COL4A4: variants seen among roughly 807,000 people sequenced by gnomAD.
COL4A4 encodes collagen alpha-4(IV) chain.
A neutral mutation model predicts 192.9 loss-of-function variants in COL4A4; 105 were observed. The ratio of observed to expected loss-of-function variants is 0.54; its 90% CI spans 0.46 to 0.64. The LOEUF (loss-of-function observed/expected upper bound fraction) is 0.64. COL4A4 is among the 30% of genes least tolerant of loss of function. The pLI is 0.00. For synonymous variants in COL4A4, 762 were observed against 769.9 expected, an observed-to-expected ratio of 0.99 and a Z score of 0.17; for missense variants, 1,967 against 2,169.3, an observed-to-expected ratio of 0.91 and a Z score of 1.85.
intron 22 of COL4A4, among the ~76,000 whole-genome samples, chr2:227,083,378 G>A (rs1313995505): frequency 6.6e-6 from 1 of 152,138 alleles, no homozygotes; most frequent in Non-Finnish European, 1.5e-5. Context: ...ATTGGAGGGA[G>A]GTAAAAATGA....
rs1180820053 is a variant in COL4A4, at chr2:227,057,523, G to A, written c.2461C>T (p.Pro821Ser). The A allele has an allele frequency of 2.5e-6, 4 of 1,613,702 alleles. No homozygotes were observed. The Admixed American group carries it at 6.7e-5, about 27-fold the overall frequency. ...REGHAGFPGV[P>S]GPPGHSCERG... ...TCACAGGAATGGCCAGGTGGACCTG[G>A]GACACCTGGAAACCCAGCATGTCCC... is the stretch of plus-strand genomic sequence containing the variant. The change falls in exon 29 of 48, where the codon CCA becomes TCA. Residue 821 changes from proline (P) to serine (S), a missense_variant. Coordinates refer to ENST00000396625, the MANE Select transcript of COL4A4 (RefSeq NM_000092.5).
At chr2:227,014,144 A>G (rs891636394) in intron 44 of COL4A4, among the ~76,000 whole-genome samples, 3 of 152,190 alleles carry the variant, frequency 2.0e-5, no homozygotes, top group Non-Finnish European at 4.4e-5. Context: ...CCTGGACTCA[A>G]TCTTCCTCCT....
chr2:227,151,817 A>G (rs200722052), intron 1 of COL4A4, among the ~76,000 whole-genome samples: 1 of 152,186 alleles, frequency 6.6e-6, no homozygotes, highest in Non-Finnish European at 1.5e-5. Context: ...ATGCAGCAAG[A>G]AGGCACCATC....
chr2:227,007,695 A>T lies in COL4A4; in HGVS notation c.4810-107T>A, dbSNP rs1012857451. Reference sequence around the variant, plus strand: ...GTCTGATCTTAACATTTTTCCTTAGATTATTCCATAAAGAACAAAATACAA... The same window carrying T: ...GTCTGATCTTAACATTTTTCCTTAGTTTATTCCATAAAGAACAAAATACAA... On this transcript the variant is annotated intron_variant, in intron 47 of 47. Coordinates refer to ENST00000396625, the MANE Select transcript of COL4A4 (RefSeq NM_000092.5). 1.3e-5 allele frequency: 19 copies of T among 1,437,104 alleles called. No individual in the cohort carries two copies. The African/African-American group carries it at 1.9e-4, about 14-fold the overall frequency. The allele number at this position is 1,437,104 out of a possible 1,614,324, so 89.0% of individuals were successfully genotyped here. A position where few individuals can be genotyped will look rare whatever the true frequency, so the allele number is the denominator to read the frequency against.
intron 1 of COL4A4, among the ~76,000 whole-genome samples, chr2:227,155,916 G>A (rs1177856639): frequency 1.3e-5 from 2 of 152,178 alleles, no homozygotes; most frequent in African/African-American, 2.4e-5. Flanking sequence ...TAGCAAGTTT[G>A]TAGCCCCTGT....
At chr2:227,150,904 CTT>C (rs113668248) in intron 1 of COL4A4, among the ~76,000 whole-genome samples, 56,179 of 148,746 alleles carry the variant, frequency 0.38, 10,541 homozygotes, top group African/African-American at 0.41. Context: ...ATCAGCCCTC[CTT>C]TTTTTTTTTT....
chr2:226,974,605 A>G, the COL4A4 span, among the ~76,000 whole-genome samples: 1 of 152,170 alleles, frequency 6.6e-6, no homozygotes, highest in South Asian at 2.1e-4. Context: ...TTCGTTGAAC[A>G]AGGATGTACA....
chr2:227,120,934 C>T (rs1576660815), intron 5 of COL4A4, 80 bp downstream of exon 5: 2 of 1,574,686 alleles, frequency 1.3e-6, no homozygotes, highest in Non-Finnish European at 8.7e-7. Flanking sequence ...GTAAGACTGT[C>T]TAAAAAAAAC....
chr2:227,111,627 T>C, intron 9 of COL4A4, 51 bp downstream of exon 9: 1 of 1,586,550 alleles, frequency 6.3e-7, no homozygotes, highest in African/African-American at 1.3e-5. Context: ...ACGTGGATCA[T>C]AGGCTATTTG....
intron 17 of COL4A4, among the ~76,000 whole-genome samples, chr2:227,101,211 T>C (rs2060502158): frequency 6.6e-6 from 1 of 152,178 alleles, no homozygotes; most frequent in Admixed American, 6.5e-5. Flanking sequence ...CTGCCATCCA[T>C]GTAAGACGTG....
the COL4A4 span, among the ~76,000 whole-genome samples, chr2:226,983,629 C>G: frequency 6.6e-6 from 1 of 150,924 alleles, no homozygotes; most frequent in Non-Finnish European, 1.5e-5. Context: ...CTTTTTTTTT[C>G]CTTATTCCTT....
chr2:227,052,619 C>T (rs1343026183), intron 31 of COL4A4, among the ~76,000 whole-genome samples: 1 of 152,212 alleles, frequency 6.6e-6, no homozygotes, highest in Non-Finnish European at 1.5e-5. Flanking sequence ...TGTCCAGCCA[C>T]AGAGTCTGGT....
In COL4A4 at chr2:227,089,867, C is replaced by T. The variant is rs753818949; in HGVS notation, c.1459+1G>A. On this transcript the variant is annotated splice_donor_variant, in intron 21 of 47. Coordinates refer to ENST00000396625, the MANE Select transcript of COL4A4 (RefSeq NM_000092.5). LOFTEE classifies it high-confidence loss of function. The stretch of plus-strand genomic sequence containing the variant: ...AAATTCTACCTTTGGTGCCTACTTG[C>T]CTTTTTCTCCTTTTGGGCCTCTTCC... 1 of 1,612,018 alleles carries T rather than the reference C, an allele frequency of 6.2e-7. No homozygotes were observed. Among genetic ancestry groups the T allele is most frequent in the East Asian group, 2.2e-5 (1 of 44,816 alleles).
intron 27 of COL4A4, 35 bp downstream of exon 27, chr2:227,060,099 CAG>C (rs1976522078): frequency 2.4e-6 from 1 of 417,148 alleles, no homozygotes; most frequent in Non-Finnish European, 3.2e-6. Context: ...ATTCCCAAAG[CAG>C]AAAAAAAAAA....
intron 25 of COL4A4, among the ~76,000 whole-genome samples, chr2:227,066,052 C>A (rs937937554): frequency 4.6e-5 from 7 of 152,150 alleles, no homozygotes; most frequent in African/African-American, 1.7e-4. Context: ...AGCTGAAAAC[C>A]AAGCCTCGAG....
At position 227,094,238 on chromosome 2, in the gene COL4A4, G is replaced by A; in HGVS notation, c.1256C>T (p.Pro419Leu). 5 of 1,613,854 alleles carry A rather than the reference G, an allele frequency of 3.1e-6. No homozygotes were observed. Among genetic ancestry groups the A allele is most frequent in the Non-Finnish European group, 3.4e-6 (4 of 1,179,952 alleles). The change falls in exon 20 of 48, where the codon CCA (proline) becomes CTA (leucine). Residue 419 changes from proline (P) to leucine (L), a missense_variant. Coordinates refer to ENST00000396625, the MANE Select transcript of COL4A4 (RefSeq NM_000092.5). ...TCTCCCAGGAATACCAGCTTCTCCT[G>A]GAAGCCCAGGAAGACCAGGAAATCC... is the stretch of plus-strand genomic sequence containing the variant. ...PQGFPGLPGL[P>L]GEAGIPGRPD...
the COL4A4 span, among the ~76,000 whole-genome samples, chr2:226,974,882 T>G: frequency 6.6e-6 from 1 of 152,206 alleles, no homozygotes; most frequent in Non-Finnish European, 1.5e-5. Context: ...AGGGACATCC[T>G]GGAGATCTTG....
the COL4A4 span, among the ~76,000 whole-genome samples, chr2:226,973,794 G>A: frequency 8.5e-5 from 13 of 152,200 alleles, no homozygotes; most frequent in Non-Finnish European, 1.2e-4. Context: ...GAAGTAGGTC[G>A]TATCTTTCTT....
intron 21 of COL4A4, among the ~76,000 whole-genome samples, chr2:227,089,610 CAT>C (rs1488061427): frequency 6.2e-5 from 7 of 112,046 alleles, no homozygotes; most frequent in African/African-American, 2.8e-4. Context: ...TATATATATA[CAT>C]ACATATATAT....
Sources: gnomAD v4.1 joint callset for allele counts (sites outside exome capture counted in the v4.1 genomes callset) on GRCh38, gnomAD v4.1.1 for gene constraint, MANE v1.5 for transcripts, NCBI Gene and HGNC (gene_info 2026-07-23, HGNC 2026-07-21) for gene names.